ATAD1: variants seen among roughly 807,000 people sequenced by gnomAD.
ATAD1 encodes the protein ATPase family AAA domain containing 1.
ATAD1 carries 18 observed loss-of-function variants against 42.7 expected under a neutral mutation model. That is an observed-to-expected ratio of 0.42 (90% CI 0.29 to 0.63). The LOEUF is 0.63. Among genes scored for constraint, ATAD1 ranks in the 20% least tolerant of loss-of-function variants. ATAD1 has a pLI of 0.19. For missense variants in ATAD1, 294 were observed against 440.4 expected (o/e 0.67, Z 2.98); for synonymous variants, 132 against 143.1 (o/e 0.92, Z 0.55).
At chr10:87,809,120 A>G (rs950186496) in intron 2 of ATAD1, among the ~76,000 whole-genome samples, 5 of 152,184 alleles carry the variant, frequency 3.3e-5, no homozygotes, top group Non-Finnish European at 5.9e-5. Flanking sequence ...TTAGAAATGC[A>G]TATTTTTCTA....
intron 8 of ATAD1, among the ~76,000 whole-genome samples, chr10:87,760,770 C>T (rs1854447381): frequency 6.6e-6 from 1 of 152,072 alleles, no homozygotes; most frequent in Non-Finnish European, 1.5e-5. Flanking sequence ...AAACAAAAAA[C>T]AAAAACTATT....
chr10:87,821,098 C>T (rs1290995512), upstream of ATAD1, among the ~76,000 whole-genome samples: 3 of 152,102 alleles, frequency 2.0e-5, no homozygotes, highest in Non-Finnish European at 4.4e-5. Context: ...GTATCAGTAA[C>T]TCTTAAAATA....
chr10:87,773,367 C>T (rs571776175), intron 6 of ATAD1, among the ~76,000 whole-genome samples: 4 of 152,180 alleles, frequency 2.6e-5, no homozygotes, highest in South Asian at 2.1e-4. Flanking sequence ...TTCATTGAGC[C>T]GTTCTCTATT....
chr10:87,757,454 T>C (rs1289759626), intron 8 of ATAD1, among the ~76,000 whole-genome samples: 1 of 152,164 alleles, frequency 6.6e-6, no homozygotes, highest in Admixed American at 6.5e-5. Context: ...ACTAAACTTA[T>C]GTACAGATTA....
intron 8 of ATAD1, among the ~76,000 whole-genome samples, chr10:87,762,652 G>C (rs1854536932): frequency 6.6e-6 from 1 of 151,728 alleles, no homozygotes; most frequent in African/African-American, 2.4e-5. Context: ...ATTTTTAGTA[G>C]AGACAGGGTT....
At chr10:87,833,814 G>T (rs1295685053) in intron 1 of ATAD1, among the ~76,000 whole-genome samples, 1 of 133,472 alleles carries the variant, frequency 7.5e-6, no homozygotes, top group Non-Finnish European at 1.5e-5. Flanking sequence ...TGCCACCTCC[G>T]CCTCCTAGGT....
intron 7 of ATAD1, among the ~76,000 whole-genome samples, chr10:87,769,121 A>G (rs889207983): frequency 2.0e-5 from 3 of 152,236 alleles, no homozygotes; most frequent in Admixed American, 6.5e-5. Flanking sequence ...TGTACTAACT[A>G]TTGGATTAGT....
At chr10:87,799,787 T>A (rs1040528997) in intron 2 of ATAD1, among the ~76,000 whole-genome samples, 23 of 136,032 alleles carry the variant, frequency 1.7e-4, no homozygotes, top group African/African-American at 5.7e-4. Context: ...AAAAATATTT[T>A]TTTTTTTAAA....
intron 3 of ATAD1, among the ~76,000 whole-genome samples, chr10:87,791,341 T>C (rs1438077719): frequency 1.3e-5 from 2 of 152,022 alleles, no homozygotes; most frequent in African/African-American, 2.4e-5. Context: ...GCACTTGTCC[T>C]GAAAGGAGCT....
rs1056866445 is a variant in ATAD1 at position 87,817,666 on chromosome 10, G to C, written c.-14+501C>G. ...ACGAATACAGCCTATGACAATGAAG[G>C]CCTGCCAATCTTCACAAAGAGGGCA... On this transcript the variant is annotated intron_variant, in intron 1 of 9. Coordinates refer to ENST00000680024, the MANE Select transcript of ATAD1 (RefSeq NM_001321967.2). 6 of 933,140 alleles carry C rather than the reference G, an allele frequency of 6.4e-6. No homozygotes were observed. The South Asian group carries it at 2.0e-4, about 31-fold the overall frequency. 57.8% of individuals were successfully genotyped at this position (933,140 alleles called of 1,614,324 possible).
Position 87,790,290 on chromosome 10 carries a change from A to AATAT in ATAD1, c.382+16_382+19dup, listed in dbSNP as rs1403519330. ...TTCTAGGATTTTAATGCTTTAGGCGAATATATACCTTTACCATACCTTTTG... is the reference window on the plus strand; with the variant it reads ...TTCTAGGATTTTAATGCTTTAGGCGAATATATATATACCTTTACCATACCTTTTG... On this transcript the variant is annotated intron_variant, in intron 4 of 9. Coordinates refer to ENST00000680024, the MANE Select transcript of ATAD1 (RefSeq NM_001321967.2). 1 of 1,600,078 alleles carries AATAT rather than the reference A, an allele frequency of 6.2e-7. No individual in the cohort carries two copies. The highest frequency in any genetic ancestry group is 2.2e-5 in the East Asian group (1 of 44,510).
At chr10:87,762,104 C>G (rs925930159) in intron 8 of ATAD1, among the ~76,000 whole-genome samples, 3 of 152,092 alleles carry the variant, frequency 2.0e-5, no homozygotes, top group Non-Finnish European at 4.4e-5. Flanking sequence ...TAAATTATGG[C>G]TCTGTTACAA....
intron 1 of ATAD1, among the ~76,000 whole-genome samples, chr10:87,825,531 G>A (rs1338745482): frequency 1.3e-5 from 2 of 151,918 alleles, no homozygotes; most frequent in South Asian, 2.1e-4. Flanking sequence ...GGATGGTCTC[G>A]ATCTCCTGAC....
At chr10:87,803,523 T>C (rs974279163) in intron 2 of ATAD1, among the ~76,000 whole-genome samples, 45 of 152,332 alleles carry the variant, frequency 3.0e-4, no homozygotes, top group Admixed American at 2.5e-3. Context: ...AATGCAACCA[T>C]TGGTCTCTTA....
chr10:87,795,770 G>A (rs1433615199), intron 2 of ATAD1, among the ~76,000 whole-genome samples: 1 of 152,112 alleles, frequency 6.6e-6, no homozygotes, highest in African/African-American at 2.4e-5. Context: ...GGGACAAGCA[G>A]CAGCAAAGAA....
At chr10:87,783,309 C>T (rs1198110542) in intron 5 of ATAD1, among the ~76,000 whole-genome samples, 1 of 151,494 alleles carries the variant, frequency 6.6e-6, no homozygotes, top group African/African-American at 2.4e-5. Context: ...GAGGTTGAGG[C>T]TGCAGTGAGC....
At position 87,781,185 on chromosome 10, in the gene ATAD1, A is replaced by T. The variant is rs143499926; in HGVS notation, c.583+3285T>A. 2.5e-3 allele frequency among the ~76,000 whole-genome samples: 373 copies of T among 151,910 alleles called. 3 individuals are homozygous for T. In the Middle Eastern group the frequency reaches 0.034, roughly 14 times the overall value. On this transcript the variant is annotated intron_variant, in intron 5 of 9. Transcript: ENST00000680024. The stretch of plus-strand genomic sequence containing the variant: ...TGACACAAGGAAACAAACCACTATT[A>T]AAAAAAAGTCAACATAAAGTAAAAT...
intron 1 of ATAD1, chr10:87,832,392 T>C (rs976732623): frequency 2.8e-5 from 4 of 145,396 alleles, no homozygotes; most frequent in Admixed American, 6.9e-5. Flanking sequence ...AGATCCTATC[T>C]CAGAAAAAAA....
In ATAD1 at chr10:87,814,500, T is replaced by C. The variant is rs758251373; in HGVS notation, c.100A>G (p.Ile34Val). 8.1e-6 allele frequency: 13 copies of C among 1,609,844 alleles called. No homozygotes were observed. Among genetic ancestry groups the C allele is most frequent in the Admixed American group, 1.7e-5 (1 of 59,390 alleles). ...TCAATTGCATCTACCATCCATTTGA[T>C]AGTAAAGTATGTCACTGCACCAAAT... is the stretch of plus-strand genomic sequence containing the variant. ...TIFGAVTYFT[I>V]KWMVDAIDPT... is the part of the protein sequence containing the mutation. Residue 34 changes from isoleucine to valine, a missense_variant, in exon 2 of 10, where the codon ATC becomes GTC. Transcript: ENST00000680024.
Sources: allele counts gnomAD v4.1 joint callset (sites outside exome capture counted in the v4.1 genomes callset), GRCh38; gene constraint gnomAD v4.1.1; transcripts MANE v1.5; gene names NCBI Gene and HGNC (gene_info 2026-07-23, HGNC 2026-07-21).